The following STK3 variants were observed in gnomAD, a reference collection of about 807,000 sequenced individuals.
STK3 encodes the protein serine/threonine-protein kinase 3.
STK3 carries 41 observed loss-of-function variants against 58.0 expected under a neutral mutation model. The ratio of observed to expected loss-of-function variants is 0.71; its 90% CI spans 0.55 to 0.92. STK3 has a LOEUF of 0.92. Among genes scored for constraint, STK3 ranks in the 40% least tolerant of loss-of-function variants. The pLI is 0.00. For synonymous variants in STK3, 170 were observed against 191.0 expected, an observed-to-expected ratio of 0.89 and a Z score of 0.91; for missense variants, 479 against 602.7, an observed-to-expected ratio of 0.79 and a Z score of 2.15.
chr8:98,576,958 T>A (rs2131713134), intron 8 of STK3, among the ~76,000 whole-genome samples: 1 of 152,306 alleles, frequency 6.6e-6, no homozygotes, highest in South Asian at 2.1e-4. Flanking sequence ...ACCGGGAATA[T>A]GGGTTGCTGG....
At chr8:98,798,167 G>C (rs1249762985) in intron 1 of STK3, among the ~76,000 whole-genome samples, 1 of 152,072 alleles carries the variant, frequency 6.6e-6, no homozygotes, top group African/African-American at 2.4e-5. Context: ...TAATCTAATG[G>C]CTACATTATT....
intron 9 of STK3, among the ~76,000 whole-genome samples, chr8:98,529,058 C>A (rs766065302): frequency 2.6e-5 from 4 of 152,136 alleles, no homozygotes; most frequent in Non-Finnish European, 4.4e-5. Context: ...TCTGACCAAC[C>A]TAGATTGCAT....
At chr8:98,893,492 GAAAGAAAGAA>G (rs1564087378) in intron 1 of STK3, among the ~76,000 whole-genome samples, 11 of 86,868 alleles carry the variant, frequency 1.3e-4, no homozygotes, top group East Asian at 6.6e-4. Flanking sequence ...GAAAGAGAAA[GAAAGAAAGAA>G]AGAAAGAAAG....
chr8:98,768,009 T>C (rs1184345144), intron 2 of STK3, among the ~76,000 whole-genome samples: 1 of 152,220 alleles, frequency 6.6e-6, no homozygotes, highest in Non-Finnish European at 1.5e-5. Flanking sequence ...AACCTGTCTC[T>C]GCTACAACTC....
chr8:98,886,081 G>A (rs1332459137), intron 1 of STK3, among the ~76,000 whole-genome samples: 2 of 152,202 alleles, frequency 1.3e-5, no homozygotes, highest in African/African-American at 4.8e-5. Flanking sequence ...ATGACTATAA[G>A]GTAGCAGTAT....
In STK3 at chr8:98,800,888, G is replaced by A. The variant is rs992871274; in HGVS notation, c.26+24627C>T. On this transcript the variant is annotated intron_variant, in intron 1 of 10. Coordinates refer to ENST00000419617, the MANE Select transcript of STK3 (RefSeq NM_006281.4). The surrounding 1 kb of genome is among the most constrained non-coding windows in gnomAD (Gnocchi z 4.8). ...GCCCCCCCCACCAAGGTGGGCTCCC[G>A]TGCAGCCGGAGCCTCCCCAACAGGC... 3.3e-5 allele frequency among the ~76,000 whole-genome samples: 5 copies of A among 152,306 alleles called. No homozygotes were observed. Among genetic ancestry groups the A allele is most frequent in the Middle Eastern group, 3.4e-3 (1 of 294 alleles).
chr8:98,517,165 T>C (rs1000767191), intron 10 of STK3, among the ~76,000 whole-genome samples: 1 of 152,092 alleles, frequency 6.6e-6, no homozygotes, highest in Non-Finnish European at 1.5e-5. Context: ...CAACATTAGT[T>C]TGAATGCCCC....
At chr8:98,877,657 A>G (rs746356602) in intron 3 of STK3, among the ~76,000 whole-genome samples, 1 of 151,872 alleles carries the variant, frequency 6.6e-6, no homozygotes, top group African/African-American at 2.4e-5. Context: ...CTAATTTTGT[A>G]TTTTTAGTAG....
intron 1 of STK3, among the ~76,000 whole-genome samples, chr8:98,933,261 C>A (rs1283044634): frequency 6.6e-6 from 1 of 152,018 alleles, no homozygotes; most frequent in African/African-American, 2.4e-5. Flanking sequence ...TAATAACACC[C>A]TAAAAAAGCG....
intron 4 of STK3, among the ~76,000 whole-genome samples, chr8:98,714,688 G>A (rs948501127): frequency 4.6e-5 from 7 of 152,100 alleles, no homozygotes; most frequent in Admixed American, 1.3e-4. Flanking sequence ...AATCAATATC[G>A]TGAAAATGGC....
chr8:98,531,463 G>A (rs1489660502), intron 9 of STK3, among the ~76,000 whole-genome samples: 1 of 152,138 alleles, frequency 6.6e-6, no homozygotes, highest in African/African-American at 2.4e-5. Context: ...AAACCATAGT[G>A]CAAACAAATG....
At chr8:98,397,167 C>T (rs1364860687), downstream of STK3, among the ~76,000 whole-genome samples, 1 of 152,210 alleles carries the variant, frequency 6.6e-6, no homozygotes, top group African/African-American at 2.4e-5. Context: ...AAAACACACA[C>T]ACACAGTCCC....
chr8:98,828,915 C>A (rs908876213), upstream of STK3, among the ~76,000 whole-genome samples: 8 of 152,220 alleles, frequency 5.3e-5, no homozygotes, highest in African/African-American at 1.4e-4. Flanking sequence ...ATTCTCTATA[C>A]CTTGCATAGC....
intron 3 of STK3, among the ~76,000 whole-genome samples, chr8:98,870,754 A>T (rs1837341065): frequency 6.6e-6 from 1 of 152,190 alleles, no homozygotes; most frequent in Admixed American, 6.5e-5. Context: ...CCTTTGTCAG[A>T]TGGGTAGATT....
chr8:98,457,853 G>A (rs923815619), intron 10 of STK3, among the ~76,000 whole-genome samples: 1 of 152,052 alleles, frequency 6.6e-6, no homozygotes, highest in African/African-American at 2.4e-5. Context: ...GGGGCAAACT[G>A]CCAATAGGTT....
intron 10 of STK3, among the ~76,000 whole-genome samples, chr8:98,518,566 A>G (rs1563692309): frequency 1.3e-5 from 2 of 152,186 alleles, no homozygotes; most frequent in Non-Finnish European, 2.9e-5. Flanking sequence ...CTACTTGTAC[A>G]TAAACACTTT....
At chr8:98,624,333 G>C (rs544357481) in intron 6 of STK3, among the ~76,000 whole-genome samples, 26 of 152,144 alleles carry the variant, frequency 1.7e-4, no homozygotes, top group Non-Finnish European at 3.1e-4. Context: ...GCTGTGTCTT[G>C]GGTTGTTATC....
intron 3 of STK3, among the ~76,000 whole-genome samples, chr8:98,417,214 T>C (rs1006133835): frequency 1.3e-5 from 2 of 152,172 alleles, no homozygotes; most frequent in African/African-American, 4.8e-5. Context: ...GTGAATGCAA[T>C]GTTTAAGAAC....
At chr8:98,421,288 GTCCC>G (rs1818170297) in intron 3 of STK3, among the ~76,000 whole-genome samples, 1 of 152,160 alleles carries the variant, frequency 6.6e-6, no homozygotes, top group Non-Finnish European at 1.5e-5. Flanking sequence ...GAGCTTCTGG[GTCCC>G]TGGGCCTCAA....
Sources: allele counts gnomAD v4.1 joint callset (sites outside exome capture counted in the v4.1 genomes callset), GRCh38; gene constraint gnomAD v4.1.1; non-coding constraint Gnocchi (gnomAD v3.1); transcripts MANE v1.5; gene names NCBI Gene and HGNC (gene_info 2026-07-23, HGNC 2026-07-21).